Variants in PDLIM7 observed in about 807,000 individuals in gnomAD.
PDLIM7 encodes PDZ and LIM domain protein 7.
A neutral mutation model predicts 53.9 loss-of-function variants in PDLIM7; 37 were observed. That is an observed-to-expected ratio of 0.69 (90% confidence interval 0.53 to 0.90). PDLIM7 has a LOEUF of 0.90. Among genes scored for constraint, PDLIM7 ranks in the 40% least tolerant of loss-of-function variants. PDLIM7 has a pLI of 0.00. For missense variants in PDLIM7, 617 were observed against 638.5 expected, an observed-to-expected ratio of 0.97 and a Z score of 0.36; for synonymous variants, 300 against 261.3, an observed-to-expected ratio of 1.15 and a Z score of -1.43.
Position 177,489,803 on chromosome 5 carries a change from G to T in PDLIM7, c.602C>A (p.Pro201Gln). ...GGGCTCCTGGGGTGTAGATGAGGCT[G>T]GGGCTGGGGCTTCTGTCCTGGGCAC... Reference protein sequence around the residue: ...SQVPRTEAPAPASSTPQEPWP... With the variant: ...SQVPRTEAPAQASSTPQEPWP... The change falls in exon 8 of 13, where the codon CCA becomes CAA. Residue 201 changes from proline (P) to glutamine (Q), a missense_variant. Coordinates refer to ENST00000355841, the MANE Select transcript of PDLIM7 (RefSeq NM_005451.5). 1 of 1,585,346 alleles carries T rather than the reference G, an allele frequency of 6.3e-7. No individual in the cohort carries two copies. The highest frequency in any genetic ancestry group is 8.6e-7 in the Non-Finnish European group (1 of 1,167,628).
chr5:177,490,631 A>C, intron 7 of PDLIM7: 1 of 1,394,984 alleles, frequency 7.2e-7, no homozygotes, highest in South Asian at 1.2e-5. Context: ...AAGTGGAAGG[A>C]AGGAGAGATG....
At chr5:177,487,187 C>T (rs1758509512) in intron 10 of PDLIM7, among the ~76,000 whole-genome samples, 3 of 152,204 alleles carry the variant, frequency 2.0e-5, no homozygotes, top group Admixed American at 2.0e-4. Flanking sequence ...CCCACCTCGA[C>T]CTCCCAAAGT....
In PDLIM7 at chr5:177,488,130, G is replaced by C; in HGVS notation, c.988C>G (p.Pro330Ala). 2.5e-6 allele frequency: 4 copies of C among 1,613,222 alleles called. No homozygotes were observed. Among genetic ancestry groups the C allele is most frequent in the Non-Finnish European group, 2.5e-6 (3 of 1,179,920 alleles). The change falls in exon 10 of 13, where the codon CCA (proline) becomes GCA (alanine). Residue 330 changes from proline (P) to alanine (A), a missense_variant. By Grantham distance (27) the Pro-to-Ala change is conservative. Coordinates refer to ENST00000355841, the MANE Select transcript of PDLIM7 (RefSeq NM_005451.5). ...FFEEKGAIFC[P>A]PCYDVRYAPS... The stretch of plus-strand genomic sequence containing the variant: ...GCATAGCGCACGTCATAGCATGGTG[G>C]GCAGAAGATGGCGCCCTTCTCCTCA...
At chr5:177,491,370 GAAGA>G (rs1337499180) in intron 5 of PDLIM7, 41 of 1,551,948 alleles carry the variant, frequency 2.6e-5, no homozygotes, top group Non-Finnish European at 2.7e-5. Flanking sequence ...CCAAAAGGAA[GAAGA>G]AAGGCACAGG....
rs1261112196 is a variant in PDLIM7, at chr5:177,489,600, C to T, written c.662G>A (p.Arg221His). 6.2e-6 allele frequency: 10 copies of T among 1,604,158 alleles called. No individual in the cohort carries two copies. Among genetic ancestry groups the T allele is most frequent in the South Asian group, 4.4e-5 (4 of 90,056 alleles). The change falls in exon 9 of 13, where the codon CGC (arginine) becomes CAC (histidine). Residue 221 changes from arginine to histidine, a missense_variant. Physicochemically the swap from Arg to His is conservative, Grantham distance 29. Coordinates refer to ENST00000355841, the MANE Select transcript of PDLIM7 (RefSeq NM_005451.5). ...PGPTAPSPTSRPPWAVDPAFA... is the reference protein window; with the variant it reads ...PGPTAPSPTSHPPWAVDPAFA... ...CGCAGGGTCCACAGCCCAGGGCGGG[C>T]GGCTGGTAGGGCTGGGGGCGGTAGG...
Position 177,496,485 on chromosome 5 carries a change from C to A in PDLIM7, c.28G>T (p.Gly10Trp). 1 of 1,601,750 alleles carries A rather than the reference C, an allele frequency of 6.2e-7. No homozygotes were observed. Among genetic ancestry groups the A allele is most frequent in the Non-Finnish European group, 8.5e-7 (1 of 1,173,842 alleles). Residue 10 changes from glycine (G) to tryptophan (W), a missense_variant, in exon 2 of 13, where the codon GGG (glycine) becomes TGG (tryptophan). Gly to Trp is a radical substitution (Grantham distance 184). Coordinates refer to ENST00000355841, the MANE Select transcript of PDLIM7 (RefSeq NM_005451.5). MDSFKVVLE[G>W]PAPWGFRLQG... The stretch of plus-strand genomic sequence containing the variant: ...AGCCGGAAGCCCCAAGGTGCTGGCC[C>A]CTCCAGCACTACTTTGAAGGAATCC...
In PDLIM7 at chr5:177,489,530, G is replaced by A. The variant is rs1361989170; in HGVS notation, c.732C>T (p.Thr244=). The part of the protein sequence containing the change: ...YAPDKTSTVL[T]RHSQPATPTP... Reference sequence around the variant, plus strand: ...TGGGCGTGGCCGGCTGGCTGTGCCGGGTCAGCACTGTGCTCGTTTTGTCCG... The same window carrying A: ...TGGGCGTGGCCGGCTGGCTGTGCCGAGTCAGCACTGTGCTCGTTTTGTCCG... The change falls in exon 9 of 13, where the codon ACC becomes ACT. Residue 244 remains threonine, a synonymous_variant. Coordinates refer to ENST00000355841, the MANE Select transcript of PDLIM7 (RefSeq NM_005451.5). 3 of 1,609,838 alleles carry A rather than the reference G, an allele frequency of 1.9e-6. No individual in the cohort carries two copies. Among genetic ancestry groups the A allele is most frequent in the African/African-American group, 1.3e-5 (1 of 74,914 alleles).
Position 177,489,592 on chromosome 5 carries a change from A to G in PDLIM7, c.670T>C (p.Trp224Arg). ...TAPSPTSRPP[W>R]AVDPAFAERY... Reference sequence around the variant, plus strand: ...TCGGCAAACGCAGGGTCCACAGCCCAGGGCGGGCGGCTGGTAGGGCTGGGG... The same window carrying G: ...TCGGCAAACGCAGGGTCCACAGCCCGGGGCGGGCGGCTGGTAGGGCTGGGG... Residue 224 changes from tryptophan to arginine, a missense_variant, in exon 9 of 13, where the codon TGG (tryptophan) becomes CGG (arginine). Transcript: ENST00000355841. 2 of 1,607,068 alleles carry G rather than the reference A, an allele frequency of 1.2e-6. No individual in the cohort carries two copies. The highest frequency in any genetic ancestry group is 2.2e-5 in the South Asian group (2 of 90,318).
intron 7 of PDLIM7, chr5:177,490,298 G>A: frequency 6.9e-7 from 1 of 1,443,788 alleles, no homozygotes; most frequent in Non-Finnish European, 9.1e-7. Flanking sequence ...CTGGCAGACA[G>A]CAGTACCACA....
chr5:177,489,261 C>T, intron 9 of PDLIM7, 132 bp downstream of exon 9: 1 of 720,966 alleles, frequency 1.4e-6, no homozygotes, highest in Non-Finnish European at 2.3e-6. Context: ...AGCCCAGGTC[C>T]CTACTCCTAC....
At chr5:177,490,727 AAGG>A (rs2127412941) in intron 7 of PDLIM7, 140 bp downstream of exon 7, 1 of 655,854 alleles carries the variant, frequency 1.5e-6, no homozygotes, top group Non-Finnish European at 2.7e-6. Context: ...GGAAGGAAGG[AAGG>A]AAGGAAGGAA....
chr5:177,491,438 C>T (rs1251771281), intron 5 of PDLIM7: 1 of 1,541,820 alleles, frequency 6.5e-7, no homozygotes, highest in Admixed American at 2.0e-5. Context: ...GGAAATAAGA[C>T]AGACAGACAG....
chr5:177,488,847 G>A (rs937290645), intron 9 of PDLIM7, among the ~76,000 whole-genome samples: 21 of 151,274 alleles, frequency 1.4e-4, no homozygotes, highest in African/African-American at 4.6e-4. Flanking sequence ...CCGAGATCGC[G>A]CCACTGCACG....
chr5:177,491,109 G>C lies in PDLIM7; in HGVS notation c.436C>G (p.Gln146Glu). ...LRPLVPDASKQRLMENTEDWR... is the reference protein window; with the variant it reads ...LRPLVPDASKERLMENTEDWR... The stretch of plus-strand genomic sequence containing the variant: ...TCCTCTGTGTTCTCCATCAGCCGCT[G>C]CTTGCTGGCATCTGGGACCAGCGGT... The change falls in exon 6 of 13, where the codon CAG becomes GAG. Residue 146 changes from glutamine (Q) to glutamate (E), a missense_variant. Coordinates refer to ENST00000355841, the MANE Select transcript of PDLIM7 (RefSeq NM_005451.5). 4 of 1,612,348 alleles carry C rather than the reference G, an allele frequency of 2.5e-6. No homozygotes were observed. Among genetic ancestry groups the C allele is most frequent in the Non-Finnish European group, 3.4e-6 (4 of 1,179,390 alleles).
At chr5:177,489,708 C>T (rs1267363329) in intron 8 of PDLIM7, 63 bp downstream of exon 8, 1 of 1,483,874 alleles carries the variant, frequency 6.7e-7, no homozygotes, top group African/African-American at 1.4e-5. Context: ...GAGAGAAGCC[C>T]ACCACCCCCA....
Position 177,483,481 on chromosome 5 carries a change from G to T in PDLIM7, c.*163C>A. ...GGTGTGCTGTGGTGGTGGAGGGAGT[G>T]GGGTGGGAGGATAAGGTGGGTGGGG... On this transcript the variant is annotated 3_prime_UTR_variant, in exon 13 of 13. Coordinates refer to ENST00000355841, the MANE Select transcript of PDLIM7 (RefSeq NM_005451.5). The T allele has an allele frequency of 1.7e-6, 1 of 595,588 alleles. No individual in the cohort carries two copies. The highest frequency in any genetic ancestry group is 3.0e-5 in the Admixed American group (1 of 33,724). The allele number at this position is 595,588 out of a possible 1,614,324, so 36.9% of individuals were successfully genotyped here. A position where few individuals can be genotyped will look rare whatever the true frequency, so the allele number is the denominator to read the frequency against.
chr5:177,488,023 A>G, intron 10 of PDLIM7, 45 bp downstream of exon 10: 1 of 1,535,478 alleles, frequency 6.5e-7, no homozygotes, highest in East Asian at 2.3e-5. Flanking sequence ...CCTCGTTCCC[A>G]CTGACAGGCT....
At chr5:177,484,423 A>G in intron 10 of PDLIM7, 1 of 498,302 alleles carries the variant, frequency 2.0e-6, no homozygotes, top group Non-Finnish European at 3.6e-6. Context: ...CTCACCCCAA[A>G]CCTCTCCTCC....
At chr5:177,486,931 CTTTTTTTTTTTTTTT>C (rs60583245) in intron 10 of PDLIM7, among the ~76,000 whole-genome samples, 5 of 48,690 alleles carry the variant, frequency 1.0e-4, no homozygotes, top group South Asian at 8.8e-4. Context: ...GTGCCTGGCC[CTTTTTTTTTTTTTTT>C]TTTTTTTTTT....
Sources: gnomAD v4.1 joint callset for allele counts (sites outside exome capture counted in the v4.1 genomes callset) on GRCh38, gnomAD v4.1.1 for gene constraint, MANE v1.5 for transcripts, NCBI Gene and HGNC (gene_info 2026-07-23, HGNC 2026-07-21) for gene names.